SANBR: variants seen among roughly 807,000 people sequenced by gnomAD.
SANBR encodes SANT and BTB domain regulator of class switch recombination.
A neutral mutation model predicts 101.8 loss-of-function variants in SANBR; 77 were observed. The ratio of observed to expected loss-of-function variants is 0.76; its 90% confidence interval spans 0.63 to 0.91. The LOEUF (loss-of-function observed/expected upper bound fraction) is 0.91, where lower values mean the gene tolerates loss of function less well. Among genes scored for constraint, SANBR ranks in the 40% least tolerant of loss-of-function variants. SANBR has a pLI of 0.00. For missense variants in SANBR, 875 were observed against 853.0 expected, an observed-to-expected ratio of 1.03 and a Z score of -0.32; for synonymous variants, 279 against 274.7, an observed-to-expected ratio of 1.02 and a Z score of -0.15.
chr2:61,122,264 A>G lies in SANBR; in HGVS notation c.*102A>G, dbSNP rs1684362475. 4 of 1,404,882 alleles carry G rather than the reference A, an allele frequency of 2.8e-6. No individual in the cohort carries two copies. 87.0% of individuals were successfully genotyped at this position (1,404,882 alleles called of 1,614,324 possible). A position where few individuals can be genotyped will look rare whatever the true frequency, so the allele number is the denominator to read the frequency against. ...CAGAACAATGACTTCCAACTGTTTT[A>G]TGTTATTATTATTTTAATCCACATA... On this transcript the variant is annotated 3_prime_UTR_variant, in exon 22 of 22. Transcript: ENST00000402291.
Position 61,106,624 on chromosome 2 carries a change from A to C in SANBR, c.1573A>C (p.Asn525His), listed in dbSNP as rs776739007. 6.2e-7 allele frequency: 1 copy of C among 1,600,960 alleles called. No homozygotes were observed. Among genetic ancestry groups the C allele is most frequent in the Non-Finnish European group, 8.5e-7 (1 of 1,175,982 alleles). ...GIECDVLLEP[N>H]TPWGPKTGEL... Reference sequence around the variant, plus strand: ...AGAATGTGATGTTTTACTGGAGCCAAATACACCATGGGGTCCCAAAACTGG... The same window carrying C: ...AGAATGTGATGTTTTACTGGAGCCACATACACCATGGGGTCCCAAAACTGG... Residue 525 changes from asparagine (N) to histidine (H), a missense_variant, in exon 14 of 22, where the codon AAT becomes CAT. Coordinates refer to ENST00000402291, the MANE Select transcript of SANBR (RefSeq NM_001129993.3).
Position 61,088,525 on chromosome 2 carries a change from TG to T in SANBR, c.1088+58del, listed in dbSNP as rs1410288334. 17 of 1,108,248 alleles carry T rather than the reference TG, an allele frequency of 1.5e-5. No homozygotes were observed. The East Asian group carries it at 4.6e-4, about 30-fold the overall frequency. The allele number at this position is 1,108,248 out of a possible 1,614,324, so 68.7% of individuals were successfully genotyped here. A position where few individuals can be genotyped will look rare whatever the true frequency, so the allele number is the denominator to read the frequency against. On this transcript the variant is annotated intron_variant, in intron 10 of 21. Coordinates refer to ENST00000402291, the MANE Select transcript of SANBR (RefSeq NM_001129993.3). ...TTTGTATATATATATATATAGTTGTTGTTGTTGTTTTGGAGACGGAGTCTTA... is the reference window on the plus strand; with the variant it reads ...TTTGTATATATATATATATAGTTGTTTTGTTGTTTTGGAGACGGAGTCTTA...
At chr2:61,071,167 T>G (rs1681444485) in intron 3 of SANBR, among the ~76,000 whole-genome samples, 1 of 152,218 alleles carries the variant, frequency 6.6e-6, no homozygotes, top group Non-Finnish European at 1.5e-5. Context: ...GATGTTACTC[T>G]GCAGGTTAAT....
chr2:61,107,622 T>C (rs1683635965), intron 14 of SANBR, among the ~76,000 whole-genome samples: 1 of 152,140 alleles, frequency 6.6e-6, no homozygotes, highest in African/African-American at 2.4e-5. Flanking sequence ...TATTCAGTCA[T>C]GCCGGGCATG....
chr2:61,073,203 C>CCT (rs1681577133), intron 4 of SANBR, among the ~76,000 whole-genome samples: 2 of 152,154 alleles, frequency 1.3e-5, no homozygotes, highest in South Asian at 4.1e-4. Flanking sequence ...ACATTTGATC[C>CCT]CTGTTTGTAC....
intron 12 of SANBR, 44 bp from the exon 13 acceptor site, chr2:61,103,809 T>A (rs745932638): frequency 1.3e-6 from 2 of 1,581,022 alleles, no homozygotes; most frequent in African/African-American, 2.7e-5. Context: ...AAAGGAGTGT[T>A]CTATAACAAA....
At chr2:61,129,259 C>T (rs760240826), downstream of SANBR, among the ~76,000 whole-genome samples, 1 of 151,964 alleles carries the variant, frequency 6.6e-6, no homozygotes, top group Non-Finnish European at 1.5e-5. Flanking sequence ...GCCTGGCCAA[C>T]GTGGTGAAAC....
Position 61,070,276 on chromosome 2 carries a change from C to T in SANBR, c.-9-66C>T, listed in dbSNP as rs534773405. The T allele has an allele frequency of 1.4e-5, 16 of 1,174,006 alleles. 1 individual carries two copies. In the South Asian group the frequency reaches 2.2e-4, roughly 16 times the overall value. 72.7% of individuals were successfully genotyped at this position (1,174,006 alleles called of 1,614,324 possible). A position where few individuals can be genotyped will look rare whatever the true frequency, so the allele number is the denominator to read the frequency against. On this transcript the variant is annotated intron_variant, in intron 2 of 21. Coordinates refer to ENST00000402291, the MANE Select transcript of SANBR (RefSeq NM_001129993.3). The stretch of plus-strand genomic sequence containing the variant: ...TTATTAGGAATGAATTATAACTGAT[C>T]TGTAATGTTCTGAAAACATTTGGAT...
chr2:61,092,413 A>G (rs983960488), intron 10 of SANBR, 51 bp from the exon 11 acceptor site: 1 of 1,374,824 alleles, frequency 7.3e-7, no homozygotes, highest in African/African-American at 1.5e-5. Context: ...ATAAATAAAT[A>G]AAACAAATTG....
At chr2:61,109,853 A>C (rs922587038) in intron 16 of SANBR, among the ~76,000 whole-genome samples, 1 of 151,736 alleles carries the variant, frequency 6.6e-6, no homozygotes, top group Non-Finnish European at 1.5e-5. Flanking sequence ...GGGTTTCACA[A>C]TGTTGATCAG....
intron 11 of SANBR, among the ~76,000 whole-genome samples, chr2:61,096,642 A>G (rs1175561421): frequency 6.6e-6 from 1 of 151,952 alleles, no homozygotes; most frequent in Non-Finnish European, 1.5e-5. Flanking sequence ...TCGAATTCCT[A>G]GGTTTAAGCA....
chr2:61,076,612 A>AG (rs1254069028), intron 5 of SANBR, among the ~76,000 whole-genome samples: 2 of 150,162 alleles, frequency 1.3e-5, no homozygotes, highest in Non-Finnish European at 3.0e-5. Flanking sequence ...TGGGTGACAG[A>AG]GAGAGACTCC....
At chr2:61,107,204 T>G (rs1683615810) in intron 14 of SANBR, among the ~76,000 whole-genome samples, 1 of 151,788 alleles carries the variant, frequency 6.6e-6, no homozygotes, top group Non-Finnish European at 1.5e-5. Flanking sequence ...CATAACATGG[T>G]CTTTAAGGTT....
chr2:61,133,574 G>A (rs1365953288), intron 20 of SANBR, among the ~76,000 whole-genome samples: 2 of 152,014 alleles, frequency 1.3e-5, no homozygotes, highest in Non-Finnish European at 2.9e-5. Flanking sequence ...GCAACATACC[G>A]AGACCCTATC....
intron 11 of SANBR, 136 bp from the exon 12 acceptor site, chr2:61,097,564 C>T (rs1284941898): frequency 1.7e-6 from 1 of 598,066 alleles, no homozygotes; most frequent in Non-Finnish European, 2.8e-6. Flanking sequence ...CACTAATCTA[C>T]TTTGTGTCTG....
chr2:61,076,106 GCCTC>G (rs1305762780), intron 5 of SANBR, among the ~76,000 whole-genome samples: 5 of 151,500 alleles, frequency 3.3e-5, no homozygotes, highest in Admixed American at 1.3e-4. Flanking sequence ...CCATTCTCCT[GCCTC>G]AGCCTCCTAG....
intron 12 of SANBR, among the ~76,000 whole-genome samples, chr2:61,103,071 C>T (rs112243315): frequency 1.2e-3 from 174 of 151,072 alleles, no homozygotes; most frequent in African/African-American, 4.0e-3. Context: ...AAACACTATA[C>T]ATTAAAGCAA....
In SANBR at chr2:61,103,580, G is replaced by C. The variant is rs527239754; in HGVS notation, c.1366-273G>C. Among the ~76,000 whole-genome samples the C allele has an allele frequency of 2.6e-5, 4 of 152,164 alleles. No individual in the cohort carries two copies. In the South Asian group the frequency reaches 8.3e-4, roughly 32 times the overall value. Reference sequence around the variant, plus strand: ...GTTACCTGTTGGGAGGAGGGAAACCGTTATGATCAGAATTGGGCCTGTGGG... The same window carrying C: ...GTTACCTGTTGGGAGGAGGGAAACCCTTATGATCAGAATTGGGCCTGTGGG... On this transcript the variant is annotated intron_variant, in intron 12 of 21. Coordinates refer to ENST00000402291, the MANE Select transcript of SANBR (RefSeq NM_001129993.3).
At chr2:61,134,387 C>G (rs1198677246) in intron 21 of SANBR, 3 of 1,077,378 alleles carry the variant, frequency 2.8e-6, no homozygotes, top group Non-Finnish European at 1.3e-6. Flanking sequence ...ATTCCCCCAC[C>G]TAGATGGTTG....
Sources: gnomAD v4.1 joint callset for allele counts (sites outside exome capture counted in the v4.1 genomes callset) on GRCh38, gnomAD v4.1.1 for gene constraint, MANE v1.5 for transcripts, NCBI Gene and HGNC (gene_info 2026-07-23, HGNC 2026-07-21) for gene names.